The following INPP5D variants were observed in gnomAD, a reference collection of about 807,000 sequenced individuals.
INPP5D encodes inositol polyphosphate-5-phosphatase D.
Under a neutral mutation model 122.9 loss-of-function variants are expected in INPP5D, and 33 were observed. That is an observed-to-expected ratio of 0.27 (90% CI 0.20 to 0.36). The LOEUF is 0.36. Among genes scored for constraint, INPP5D ranks in the 10% least tolerant of loss-of-function variants. The pLI, the probability that INPP5D is intolerant of heterozygous loss-of-function variation, is 1.00. For synonymous variants in INPP5D, 584 were observed against 576.2 expected (o/e 1.01, Z -0.19); for missense variants, 1,053 against 1,412.7 (o/e 0.75, Z 4.08).
chr2:233,096,390 G>A (rs986711450), intron 2 of INPP5D, among the ~76,000 whole-genome samples: 4 of 152,172 alleles, frequency 2.6e-5, no homozygotes, highest in African/African-American at 9.7e-5. Context: ...GGTGGTTCAT[G>A]CCTATAATCC....
intron 2 of INPP5D, among the ~76,000 whole-genome samples, chr2:233,080,463 C>G (rs1365860048): frequency 1.3e-5 from 2 of 148,700 alleles, no homozygotes; most frequent in East Asian, 3.9e-4. Context: ...GTGCACGTGA[C>G]AGAGAGAGAG....
chr2:233,130,473 G>T (rs769895486), intron 4 of INPP5D, 35 bp from the exon 5 acceptor site: 8 of 1,607,630 alleles, frequency 5.0e-6, no homozygotes, highest in African/African-American at 1.3e-5. Context: ...AAAGAAACAG[G>T]CAAGCATAGT....
rs529722536 is a variant in INPP5D, at chr2:233,206,044, A to G, written c.3568-662A>G. 1.9e-3 allele frequency among the ~76,000 whole-genome samples: 292 copies of G among 152,196 alleles called. 1 individual carries two copies. Among genetic ancestry groups the G allele is most frequent in the African/African-American group, 6.9e-3 (285 of 41,544 alleles). ...CAGTGAACCGAGATCGCAACACTGC[A>G]CTCCAGCCTGGGCGACAGAGTGAGA... On this transcript the variant is annotated intron_variant, in intron 26 of 26. Coordinates refer to ENST00000445964, the MANE Select transcript of INPP5D (RefSeq NM_001017915.3). The surrounding 1 kb of genome is among the most constrained non-coding windows in gnomAD (Gnocchi z 4.0).
At chr2:233,185,162 G>T (rs150242719) in intron 20 of INPP5D, among the ~76,000 whole-genome samples, 303 of 152,178 alleles carry the variant, frequency 2.0e-3, no homozygotes, top group African/African-American at 5.3e-3. Context: ...CACAGTGATC[G>T]GGGGAGGAAA....
chr2:233,170,145 G>A lies in INPP5D; in HGVS notation c.1772G>A (p.Arg591His). ...HLFWFGDLNY[R>H]VDLPTWEAET... is the part of the protein sequence containing the mutation. ...TTCTGGTTTGGGGATCTTAACTACCGTGTGGATCTGCCTACCTGGGTAAGG... is the reference window on the plus strand; with the variant it reads ...TTCTGGTTTGGGGATCTTAACTACCATGTGGATCTGCCTACCTGGGTAAGG... Residue 591 changes from arginine to histidine, a missense_variant, in exon 15 of 27, where the codon CGT (arginine) becomes CAT (histidine). Arg to His is a conservative substitution (Grantham distance 29). This residue lies in a region of INPP5D where 258 missense variants were observed against 439.1 expected (regional missense o/e 0.59). Transcript: ENST00000445964. The surrounding 1 kb of genome is among the most constrained non-coding windows in gnomAD (Gnocchi z 4.5). The A allele has an allele frequency of 2.5e-6, 4 of 1,613,994 alleles. No homozygotes were observed. Among genetic ancestry groups the A allele is most frequent in the Non-Finnish European group, 3.4e-6 (4 of 1,179,886 alleles).
intron 13 of INPP5D, chr2:233,168,729 G>A (rs1009441012): frequency 3.9e-5 from 6 of 152,234 alleles, no homozygotes; most frequent in Admixed American, 2.6e-4. Flanking sequence ...TGACACTGGA[G>A]GGCTTGTCAA....
intron 5 of INPP5D, among the ~76,000 whole-genome samples, chr2:233,132,758 G>T (rs549157440): frequency 6.6e-6 from 1 of 152,142 alleles, no homozygotes; most frequent in Non-Finnish European, 1.5e-5. Flanking sequence ...CCTCCTCTGA[G>T]CCCTGTTCTG....
chr2:233,109,314 G>A lies in INPP5D; in HGVS notation c.199-12793G>A, dbSNP rs1188831548. Among the ~76,000 whole-genome samples, 7 of 152,330 alleles carry A rather than the reference G, an allele frequency of 4.6e-5. No individual in the cohort carries two copies. In the East Asian group the frequency reaches 1.3e-3, roughly 29 times the overall value. ...CTGAGACAGCCAAGAAGAGCAAGGG[G>A]ACTGCCTGCACTCACCACAGTGCTT... On this transcript the variant is annotated intron_variant, in intron 2 of 26. Transcript: ENST00000445964.
At chr2:233,202,500 G>A (rs779599053) in intron 25 of INPP5D, among the ~76,000 whole-genome samples, 7 of 152,180 alleles carry the variant, frequency 4.6e-5, no homozygotes, top group African/African-American at 7.2e-5. Flanking sequence ...GCTTCTCACC[G>A]GCACCTGTGT....
chr2:233,133,653 G>T (rs1218552047), intron 5 of INPP5D, among the ~76,000 whole-genome samples: 1 of 152,114 alleles, frequency 6.6e-6, no homozygotes, highest in Non-Finnish European at 1.5e-5. Context: ...AATTTCACTG[G>T]GTGTCCTGTG....
At chr2:233,089,864 G>A (rs1228623031) in intron 2 of INPP5D, among the ~76,000 whole-genome samples, 4 of 152,184 alleles carry the variant, frequency 2.6e-5, no homozygotes, top group Non-Finnish European at 5.9e-5. Flanking sequence ...AGGGAGAAGC[G>A]TCTCAGGAAA....
chr2:233,072,460 T>A (rs1691406558), intron 1 of INPP5D, among the ~76,000 whole-genome samples: 1 of 152,196 alleles, frequency 6.6e-6, no homozygotes, highest in African/African-American at 2.4e-5. Context: ...TGAGGTTGAT[T>A]TACCTGATTT....
At chr2:233,121,579 A>G (rs993716815) in intron 2 of INPP5D, among the ~76,000 whole-genome samples, 11 of 148,802 alleles carry the variant, frequency 7.4e-5, no homozygotes, top group African/African-American at 2.8e-4. Context: ...GCAGCGGCGC[A>G]ATCTCGGCTC....
intron 4 of INPP5D, among the ~76,000 whole-genome samples, chr2:233,126,622 GA>G (rs1207649300): frequency 2.6e-5 from 4 of 152,078 alleles, no homozygotes; most frequent in African/African-American, 4.8e-5. Context: ...CAGATGCTTT[GA>G]AAGTATTCCA....
chr2:233,132,945 G>T (rs1306255780), intron 5 of INPP5D, among the ~76,000 whole-genome samples: 2 of 141,482 alleles, frequency 1.4e-5, no homozygotes, highest in African/African-American at 5.3e-5. Flanking sequence ...CTGGAGTGCC[G>T]TGGTGAGATC....
At chr2:233,109,580 A>AT (rs1320038183) in intron 2 of INPP5D, among the ~76,000 whole-genome samples, 2 of 151,656 alleles carry the variant, frequency 1.3e-5, no homozygotes, top group East Asian at 1.9e-4. Context: ...TTTCTTTTTT[A>AT]TTTTTTTGTT....
intron 2 of INPP5D, among the ~76,000 whole-genome samples, chr2:233,119,613 C>T (rs1235208612): frequency 6.6e-6 from 1 of 152,186 alleles, no homozygotes; most frequent in Non-Finnish European, 1.5e-5. Context: ...GACACACACA[C>T]ACACACACAT....
intron 2 of INPP5D, among the ~76,000 whole-genome samples, chr2:233,080,647 G>C (rs1412211360): frequency 1.3e-5 from 2 of 152,104 alleles, no homozygotes; most frequent in Non-Finnish European, 1.5e-5. Context: ...GAGAGGCAGG[G>C]TACACTCTTC....
chr2:233,106,844 G>C (rs1366210552), intron 2 of INPP5D, among the ~76,000 whole-genome samples: 1 of 152,242 alleles, frequency 6.6e-6, no homozygotes, highest in East Asian at 1.9e-4. Context: ...CTGATGGAGA[G>C]CATTGTCATC....
Sources: allele counts gnomAD v4.1 joint callset (sites outside exome capture counted in the v4.1 genomes callset), GRCh38; gene constraint gnomAD v4.1.1; regional missense constraint gnomAD v4.1.1; non-coding constraint Gnocchi (gnomAD v3.1); transcripts MANE v1.5; gene names NCBI Gene and HGNC (gene_info 2026-07-23, HGNC 2026-07-21).